Variants in PARD3B observed in about 807,000 individuals in gnomAD.
PARD3B encodes the protein par-3 family cell polarity regulator beta.
Under a neutral mutation model 130.2 loss-of-function variants are expected in PARD3B, and 103 were observed. The observed-to-expected ratio is 0.79, with a 90% CI of 0.67 to 0.93. The LOEUF (loss-of-function observed/expected upper bound fraction) is 0.93. Among genes scored for constraint, PARD3B ranks in the 40% least tolerant of loss-of-function variants. PARD3B has a pLI of 0.00. For missense variants in PARD3B, 1,609 were observed against 1,499.2 expected (o/e 1.07, Z -1.21); for synonymous variants, 583 against 553.2 (o/e 1.05, Z -0.76).
intron 2 of PARD3B, among the ~76,000 whole-genome samples, chr2:204,873,940 C>T (rs373725936): frequency 3.9e-5 from 6 of 152,064 alleles, no homozygotes; most frequent in East Asian, 3.9e-4. Context: ...GTCAGGAGTT[C>T]GGGACCAGCC....
chr2:204,750,169 A>G (rs960396349), intron 2 of PARD3B, among the ~76,000 whole-genome samples: 4 of 152,232 alleles, frequency 2.6e-5, no homozygotes, highest in South Asian at 2.1e-4. Flanking sequence ...CTACATCTCA[A>G]TAACTAAGGT....
intron 2 of PARD3B, among the ~76,000 whole-genome samples, chr2:204,809,833 A>G (rs2042902240): frequency 6.6e-6 from 1 of 152,180 alleles, no homozygotes; most frequent in Non-Finnish European, 1.5e-5. Flanking sequence ...TGCTTTGGGC[A>G]CTATGGCCAT....
At chr2:204,627,897 G>A (rs2034540650) in intron 1 of PARD3B, among the ~76,000 whole-genome samples, 1 of 151,360 alleles carries the variant, frequency 6.6e-6, no homozygotes, top group African/African-American at 2.4e-5. Context: ...TCTAGATCAA[G>A]CTTGTCCAAC....
Position 205,146,508 on chromosome 2 carries a change from G to A in PARD3B, c.1435-12214G>A, listed in dbSNP as rs2033370426. Reference sequence around the variant, plus strand: ...ACTAAAAATACAAAAACATTTATCTGGGCGTGGTGGCGGGCGCCTGTAGTC... The same window carrying A: ...ACTAAAAATACAAAAACATTTATCTAGGCGTGGTGGCGGGCGCCTGTAGTC... On this transcript the variant is annotated intron_variant, in intron 10 of 22. Transcript: ENST00000406610. The surrounding 1 kb of genome is among the most constrained non-coding windows in gnomAD (Gnocchi z 4.3). 6.6e-6 allele frequency among the ~76,000 whole-genome samples: 1 copy of A among 151,790 alleles called. No individual in the cohort carries two copies. The highest frequency in any genetic ancestry group is 1.5e-5 in the Non-Finnish European group (1 of 67,988).
intron 2 of PARD3B, among the ~76,000 whole-genome samples, chr2:204,930,840 A>G (rs1687975887): frequency 6.6e-6 from 1 of 152,066 alleles, no homozygotes; most frequent in African/African-American, 2.4e-5. Flanking sequence ...CCTCTCTTAG[A>G]TCAATAGCTT....
intron 2 of PARD3B, among the ~76,000 whole-genome samples, chr2:204,771,431 A>C (rs142226854): frequency 2.0e-5 from 3 of 152,206 alleles, no homozygotes; most frequent in African/African-American, 7.2e-5. Context: ...ACTATGTTTT[A>C]ATGGTTAGTT....
At chr2:205,496,451 G>T (rs1053674972) in intron 20 of PARD3B, among the ~76,000 whole-genome samples, 2 of 152,154 alleles carry the variant, frequency 1.3e-5, no homozygotes, top group Non-Finnish European at 2.9e-5. Flanking sequence ...CAAAAGGTTT[G>T]CACAGTGTTC....
At chr2:205,326,723 T>C (rs898207742) in intron 18 of PARD3B, among the ~76,000 whole-genome samples, 2 of 152,176 alleles carry the variant, frequency 1.3e-5, no homozygotes, top group Admixed American at 1.3e-4. Context: ...TAGTCTTAGG[T>C]CAAATCTATG....
chr2:204,654,268 G>A lies in PARD3B; in HGVS notation c.121-31913G>A, dbSNP rs573198350. Among the ~76,000 whole-genome samples, 26 of 151,342 alleles carry A rather than the reference G, an allele frequency of 1.7e-4. 2 individuals are homozygous for A. In the East Asian group the frequency reaches 2.5e-3, roughly 15 times the overall value. ...ATTTATCCAGGCTGAGGGGGGAAACGAAGAAAGGATCGTGACAACCTAATG... is the reference window on the plus strand; with the variant it reads ...ATTTATCCAGGCTGAGGGGGGAAACAAAGAAAGGATCGTGACAACCTAATG... On this transcript the variant is annotated intron_variant, in intron 1 of 22. Transcript: ENST00000406610.
intron 2 of PARD3B, among the ~76,000 whole-genome samples, chr2:204,778,283 T>C (rs1243441201): frequency 6.6e-6 from 1 of 152,126 alleles, no homozygotes; most frequent in Non-Finnish European, 1.5e-5. Context: ...CTGCTGATAA[T>C]TGAGAGCCAT....
rs181918102 is a variant in PARD3B, at chr2:204,878,247, C to T, written c.223-86905C>T. The stretch of plus-strand genomic sequence containing the variant: ...GCCATCAAAGGACTGAAGAAATTGC[C>T]TTTTTTAATGAAAAGTATTTTATAG... On this transcript the variant is annotated intron_variant, in intron 2 of 22. Coordinates refer to ENST00000406610, the MANE Select transcript of PARD3B (RefSeq NM_001302769.2). Among the ~76,000 whole-genome samples the T allele has an allele frequency of 6.7e-3, 1,018 of 152,026 alleles. 10 individuals carry two copies. The highest frequency in any genetic ancestry group is 0.022 in the African/African-American group (920 of 41,448).
At chr2:205,271,770 G>A (rs565562787) in intron 16 of PARD3B, among the ~76,000 whole-genome samples, 1 of 152,106 alleles carries the variant, frequency 6.6e-6, no homozygotes, top group East Asian at 1.9e-4. Context: ...CTCCCATATT[G>A]CTTTTAAAAG....
rs2031719382 is a variant in PARD3B, at chr2:205,128,893, G to T, written c.1434+3156G>T. Among the ~76,000 whole-genome samples, 1 of 152,032 alleles carries T rather than the reference G, an allele frequency of 6.6e-6. No individual in the cohort carries two copies. The highest frequency in any genetic ancestry group is 2.4e-5 in the African/African-American group (1 of 41,388). On this transcript the variant is annotated intron_variant, in intron 10 of 22. Transcript: ENST00000406610. This position sits in a 1 kb window ranked among gnomAD's most constrained non-coding sequence, Gnocchi z 4.5. ...TTTTATAACCAGTCAAATTGATAAG[G>T]GAGGCAGCTGTATGTGTTATTTCAC...
Position 205,116,390 on chromosome 2 carries a change from C to T in PARD3B, c.681-2531C>T, listed in dbSNP as rs1040206465. ...TTCTAAGCTGGTAGAGTCACTGAGG[C>T]TGTGTGACATTGGGAAAAGAACAGG... is the stretch of plus-strand genomic sequence containing the variant. On this transcript the variant is annotated intron_variant, in intron 6 of 22. Coordinates refer to ENST00000406610, the MANE Select transcript of PARD3B (RefSeq NM_001302769.2). The surrounding 1 kb of genome is among the most constrained non-coding windows in gnomAD (Gnocchi z 4.5). Among the ~76,000 whole-genome samples, 6 of 152,064 alleles carry T rather than the reference C, an allele frequency of 3.9e-5. No individual in the cohort carries two copies. Among genetic ancestry groups the T allele is most frequent in the African/African-American group, 1.4e-4 (6 of 41,396 alleles).
chr2:205,189,362 C>T (rs2036270130), intron 14 of PARD3B, among the ~76,000 whole-genome samples: 1 of 152,210 alleles, frequency 6.6e-6, no homozygotes, highest in Admixed American at 6.5e-5. Context: ...CCTGGTTTGT[C>T]ACCATAGTCA....
At chr2:205,289,373 T>C (rs899681889) in intron 16 of PARD3B, among the ~76,000 whole-genome samples, 4 of 152,106 alleles carry the variant, frequency 2.6e-5, no homozygotes, top group African/African-American at 9.7e-5. Flanking sequence ...AAAAAAAATA[T>C]GATGCTAAGC....
At chr2:205,086,876 A>T (rs1462730166) in intron 4 of PARD3B, among the ~76,000 whole-genome samples, 1 of 152,202 alleles carries the variant, frequency 6.6e-6, no homozygotes, top group Non-Finnish European at 1.5e-5. Context: ...GGAATATGGC[A>T]ATTGAAAACC....
At chr2:204,914,961 G>T (rs2047386919) in intron 2 of PARD3B, among the ~76,000 whole-genome samples, 1 of 152,140 alleles carries the variant, frequency 6.6e-6, no homozygotes, top group African/African-American at 2.4e-5. Context: ...TCCTCAGAAC[G>T]CGAGCCAGAT....
At chr2:204,959,950 C>CT (rs139495166) in intron 2 of PARD3B, among the ~76,000 whole-genome samples, 13,673 of 152,222 alleles carry the variant, frequency 0.09, 749 homozygotes, top group Non-Finnish European at 0.12. Flanking sequence ...CTGTGAACCT[C>CT]TTTCTCTCAA....
Sources: allele counts gnomAD v4.1 joint callset (sites outside exome capture counted in the v4.1 genomes callset), GRCh38; gene constraint gnomAD v4.1.1; non-coding constraint Gnocchi (gnomAD v3.1); transcripts MANE v1.5; gene names NCBI Gene and HGNC (gene_info 2026-07-23, HGNC 2026-07-21).